Variants in CDK13 observed in about 807,000 individuals in gnomAD.
CDK13 encodes cyclin dependent kinase 13.
CDK13 carries 40 observed loss-of-function variants against 137.6 expected under a neutral mutation model. The ratio of observed to expected loss-of-function variants is 0.29; its 90% CI spans 0.23 to 0.38. CDK13 has a LOEUF of 0.38. Ranked by LOEUF, CDK13 falls within the 10% of genes least tolerant of loss-of-function variation. CDK13 has a pLI of 1.00. For missense variants in CDK13, 1,704 were observed against 1,951.8 expected (o/e 0.87, Z 2.39); for synonymous variants, 869 against 760.1 (o/e 1.14, Z -2.36).
At chr7:40,011,061 C>T (rs1371666781) in intron 5 of CDK13, among the ~76,000 whole-genome samples, 1 of 152,054 alleles carries the variant, frequency 6.6e-6, no homozygotes, top group Non-Finnish European at 1.5e-5. Flanking sequence ...ATTAAGATGG[C>T]AGTACTTCTC....
intron 1 of CDK13, among the ~76,000 whole-genome samples, chr7:39,957,572 G>T (rs1325224631): frequency 2.0e-5 from 3 of 152,320 alleles, no homozygotes; most frequent in African/African-American, 7.2e-5. Flanking sequence ...CTCTAGGATA[G>T]GGCAGGTAAT....
chr7:39,976,304 C>CT (rs1784104761), intron 1 of CDK13, among the ~76,000 whole-genome samples: 1 of 78,600 alleles, frequency 1.3e-5, no homozygotes, highest in Non-Finnish European at 2.9e-5. Flanking sequence ...CTCTCTCTCT[C>CT]TCTCTCTCTC....
intron 11 of CDK13, among the ~76,000 whole-genome samples, chr7:40,082,541 T>C (rs1477464149): frequency 6.9e-6 from 1 of 145,378 alleles, no homozygotes; most frequent in Non-Finnish European, 1.5e-5. Flanking sequence ...CAATGGCTCA[T>C]GCCTGTAATC....
At position 39,997,479 on chromosome 7, in the gene CDK13, T is replaced by C; in HGVS notation, c.1872-15T>C. 1.3e-6 allele frequency: 2 copies of C among 1,584,682 alleles called. No individual in the cohort carries two copies. Among genetic ancestry groups the C allele is most frequent in the Non-Finnish European group, 1.7e-6 (2 of 1,172,996 alleles). ...AAAATTTTTGTTTTATTTGTCTGAC[T>C]TCTTTCACTTTCAGCTTACGAGGAA... On this transcript the variant is annotated splice_polypyrimidine_tract_variant and intron_variant, in intron 2 of 13. Coordinates refer to ENST00000181839, the MANE Select transcript of CDK13 (RefSeq NM_003718.5).
intron 9 of CDK13, chr7:40,072,514 G>A (rs979471163): frequency 2.0e-5 from 3 of 152,192 alleles, no homozygotes; most frequent in Admixed American, 1.3e-4. Context: ...AATATAGTTT[G>A]TTGCCACTGA....
chr7:40,068,636 G>A (rs373024848), intron 9 of CDK13, among the ~76,000 whole-genome samples: 3 of 148,880 alleles, frequency 2.0e-5, no homozygotes, highest in Non-Finnish European at 3.0e-5. Context: ...AACCTGGGAG[G>A]CAGAGGTTGC....
At chr7:40,008,679 CT>C (rs1784840240) in intron 5 of CDK13, among the ~76,000 whole-genome samples, 1 of 152,038 alleles carries the variant, frequency 6.6e-6, no homozygotes, top group African/African-American at 2.4e-5. Flanking sequence ...AACTATGTAT[CT>C]TTTTTTCCCC....
At chr7:40,058,199 A>G (rs6952597) in intron 7 of CDK13, among the ~76,000 whole-genome samples, 82,129 of 151,948 alleles carry the variant, frequency 0.54, 24,221 homozygotes, top group African/African-American at 0.79. Context: ...GTACGGCCTG[A>G]GAACAGACTT....
At chr7:39,961,708 C>T (rs4498451) in intron 1 of CDK13, among the ~76,000 whole-genome samples, 40,403 of 151,308 alleles carry the variant, frequency 0.27, 6,515 homozygotes, top group Middle Eastern at 0.45. Context: ...CATATGTATA[C>T]ATGTGCCATG....
intron 5 of CDK13, among the ~76,000 whole-genome samples, chr7:40,030,222 T>C (rs1326424163): frequency 7.8e-5 from 3 of 38,308 alleles, no homozygotes; most frequent in Middle Eastern, 8.6e-3. Context: ...GAGAAAATTA[T>C]ATATATATAT....
In CDK13 at chr7:40,046,878, C is replaced by T. The variant is rs17538048; in HGVS notation, c.2543+853C>T. ...TAAACCCGGTGTGGTGGCACACACC[C>T]GTAATCCCAGCTGCTAGAAAGCCTG... On this transcript the variant is annotated intron_variant, in intron 6 of 13. Coordinates refer to ENST00000181839, the MANE Select transcript of CDK13 (RefSeq NM_003718.5). Among the ~76,000 whole-genome samples the T allele has an allele frequency of 4.0e-3, 604 of 151,424 alleles. 4 individuals are homozygous for T. The highest frequency in any genetic ancestry group is 6.4e-3 in the Non-Finnish European group (434 of 67,836).
intron 12 of CDK13, chr7:40,092,523 G>A (rs1346026963): frequency 2.5e-6 from 1 of 404,848 alleles, no homozygotes; most frequent in African/African-American, 2.0e-5. Flanking sequence ...CATAACATGA[G>A]GTTTTAGTAG....
chr7:39,975,921 A>G (rs1371393167), intron 1 of CDK13, among the ~76,000 whole-genome samples: 4 of 152,232 alleles, frequency 2.6e-5, no homozygotes. Flanking sequence ...AAAGACAAAG[A>G]CATAAAATAC....
rs1023043216 is a variant in CDK13, at chr7:39,950,971, C to T, written c.330C>T (p.Arg110=). The T allele has an allele frequency of 3.0e-6, 4 of 1,314,478 alleles. No homozygotes were observed. Among genetic ancestry groups the T allele is most frequent in the Admixed American group, 4.2e-5 (1 of 23,948 alleles). 81.4% of individuals were successfully genotyped at this position (1,314,478 alleles called of 1,614,324 possible). ...GGRQKRRRGP[R]AGQEAEKRRV... is the part of the protein sequence containing the mutation. ...GGCAGAAGCGGCGTCGCGGGCCCCG[C>T]GCCGGGCAGGAGGCGGAGAAGCGTC... is the stretch of plus-strand genomic sequence containing the variant. Residue 110 remains arginine (R), a synonymous_variant, in exon 1 of 14, where the codon CGC becomes CGT. Coordinates refer to ENST00000181839, the MANE Select transcript of CDK13 (RefSeq NM_003718.5).
intron 1 of CDK13, chr7:39,986,523 A>C (rs1388603073): frequency 1.3e-5 from 2 of 152,164 alleles, no homozygotes; most frequent in African/African-American, 4.8e-5. Context: ...TCTTTGTGGG[A>C]ATTATTTTTA....
chr7:40,022,137 G>C (rs1785140817), intron 5 of CDK13, among the ~76,000 whole-genome samples: 1 of 152,218 alleles, frequency 6.6e-6, no homozygotes, highest in Non-Finnish European at 1.5e-5. Context: ...AGCATTCGAA[G>C]GTTTGAGGAC....
intron 9 of CDK13, among the ~76,000 whole-genome samples, chr7:40,075,899 C>G (rs1786534633): frequency 2.6e-5 from 4 of 152,120 alleles, no homozygotes; most frequent in Admixed American, 2.6e-4. Flanking sequence ...GCTGAGCCTC[C>G]CTGAGCCCTG....
intron 7 of CDK13, among the ~76,000 whole-genome samples, chr7:40,057,177 C>T (rs1045873585): frequency 1.3e-5 from 2 of 152,150 alleles, no homozygotes; most frequent in South Asian, 2.1e-4. Context: ...ATCGCTTGAA[C>T]CCAGGAGGTG....
At chr7:39,962,537 T>G (rs1783771588) in intron 1 of CDK13, among the ~76,000 whole-genome samples, 1 of 152,244 alleles carries the variant, frequency 6.6e-6, no homozygotes, top group African/African-American at 2.4e-5. Context: ...TATTAGCCCT[T>G]TGTCACTTGA....
Sources: allele counts gnomAD v4.1 joint callset (sites outside exome capture counted in the v4.1 genomes callset), GRCh38; gene constraint gnomAD v4.1.1; transcripts MANE v1.5; gene names NCBI Gene and HGNC (gene_info 2026-07-23, HGNC 2026-07-21).